ARPP21: variants seen among roughly 807,000 people sequenced by gnomAD.
The protein encoded by ARPP21 is cAMP-regulated phosphoprotein 21.
A neutral mutation model predicts 113.2 loss-of-function variants in ARPP21; 69 were observed. That is an observed-to-expected ratio of 0.61 (90% CI 0.50 to 0.74). The LOEUF (loss-of-function observed/expected upper bound fraction) is 0.74. Among genes scored for constraint, ARPP21 ranks in the 30% least tolerant of loss-of-function variants. The pLI is 0.00. For missense variants in ARPP21, 1,070 were observed against 1,037.4 expected (o/e 1.03, Z -0.43); for synonymous variants, 368 against 375.5 (o/e 0.98, Z 0.23).
intron 19 of ARPP21, among the ~76,000 whole-genome samples, chr3:35,753,095 A>C (rs1327524920): frequency 6.6e-6 from 1 of 150,912 alleles, no homozygotes; most frequent in African/African-American, 2.4e-5. Flanking sequence ...AGAGAGAAAG[A>C]GAGAATATTC....
chr3:35,651,040 A>G (rs1702169162), intron 1 of ARPP21, among the ~76,000 whole-genome samples: 1 of 152,162 alleles, frequency 6.6e-6, no homozygotes, highest in Non-Finnish European at 1.5e-5. Flanking sequence ...TCAGAAAAAA[A>G]TGATAAAATA....
chr3:35,738,232 G>A lies in ARPP21; in HGVS notation c.1663G>A (p.Ala555Thr), dbSNP rs752221619. The change falls in exon 17 of 21, where the codon GCT becomes ACT. Residue 555 changes from alanine (A) to threonine (T), a missense_variant. Transcript: ENST00000684406. Reference sequence around the variant, plus strand: ...CCTCCAGTCTGTCCAGGGGCTGCAGGCTTCCTCCCAGTCAGTGCAATATCC... The same window carrying A: ...CCTCCAGTCTGTCCAGGGGCTGCAGACTTCCTCCCAGTCAGTGCAATATCC... ...LVTQSVQGLQ[A>T]SSQSVQYPAV... is the part of the protein sequence containing the mutation. 7 of 1,535,834 alleles carry A rather than the reference G, an allele frequency of 4.6e-6. No individual in the cohort carries two copies. The African/African-American group carries it at 5.5e-5, about 12-fold the overall frequency.
At chr3:35,759,559 A>G (rs998663527) in intron 19 of ARPP21, among the ~76,000 whole-genome samples, 31 of 152,018 alleles carry the variant, frequency 2.0e-4, no homozygotes, top group Non-Finnish European at 3.5e-4. Flanking sequence ...CAATATATTT[A>G]CTGTATCTTA....
At chr3:35,722,258 G>A (rs1454943730) in intron 14 of ARPP21, among the ~76,000 whole-genome samples, 1 of 152,060 alleles carries the variant, frequency 6.6e-6, no homozygotes, top group Non-Finnish European at 1.5e-5. Context: ...TTTAAATTTA[G>A]TAATATGAAT....
At chr3:35,702,553 G>A (rs1351369881) in intron 9 of ARPP21, among the ~76,000 whole-genome samples, 3 of 151,754 alleles carry the variant, frequency 2.0e-5, no homozygotes, top group African/African-American at 4.8e-5. Flanking sequence ...TTCATGAAAA[G>A]TCTTATGTTA....
intron 9 of ARPP21, 23 bp downstream of exon 9, chr3:35,691,028 T>C (rs1382338670): frequency 6.3e-7 from 1 of 1,588,546 alleles, no homozygotes; most frequent in Admixed American, 1.8e-5. Context: ...ACTGTACTTA[T>C]TTAGCATTTT....
intron 9 of ARPP21, among the ~76,000 whole-genome samples, chr3:35,696,452 G>T (rs2084056551): frequency 6.6e-6 from 1 of 151,388 alleles, no homozygotes; most frequent in African/African-American, 2.4e-5. Context: ...ACACTTTTTG[G>T]TCTACAAATT....
At chr3:35,655,320 C>A (rs984009426) in intron 1 of ARPP21, among the ~76,000 whole-genome samples, 1 of 151,802 alleles carries the variant, frequency 6.6e-6, no homozygotes, top group Non-Finnish European at 1.5e-5. Flanking sequence ...ATTATTATGA[C>A]TGATGGGGTG....
chr3:35,657,495 T>C (rs1705568254), intron 1 of ARPP21, among the ~76,000 whole-genome samples: 2 of 152,304 alleles, frequency 1.3e-5, no homozygotes, highest in African/African-American at 2.4e-5. Context: ...AATACACTTA[T>C]AATGGCAACT....
At chr3:35,704,776 T>C (rs959879489) in intron 9 of ARPP21, among the ~76,000 whole-genome samples, 1 of 152,086 alleles carries the variant, frequency 6.6e-6, no homozygotes, top group Non-Finnish European at 1.5e-5. Context: ...GGTTAATTTA[T>C]TTATTCAGCC....
intron 1 of ARPP21, among the ~76,000 whole-genome samples, chr3:35,660,409 A>T (rs942079768): frequency 1.3e-5 from 2 of 152,170 alleles, no homozygotes; most frequent in Non-Finnish European, 2.9e-5. Context: ...GAGCAGGCCA[A>T]ACTCTTACTC....
At chr3:35,779,992 A>T (rs571351254) in intron 19 of ARPP21, among the ~76,000 whole-genome samples, 1 of 152,294 alleles carries the variant, frequency 6.6e-6, no homozygotes, top group South Asian at 2.1e-4. Flanking sequence ...GGCAAAGGGG[A>T]TAAGAGAAAG....
At chr3:35,786,915 G>T (rs928767931) in intron 19 of ARPP21, among the ~76,000 whole-genome samples, 14 of 152,270 alleles carry the variant, frequency 9.2e-5, no homozygotes, top group Middle Eastern at 3.4e-3. Context: ...CCAAACCATA[G>T]TGATACTAAA....
At chr3:35,715,866 C>T (rs758566571) in intron 12 of ARPP21, 39 of 157,352 alleles carry the variant, frequency 2.5e-4, no homozygotes, top group Non-Finnish European at 4.3e-4. Flanking sequence ...TATTATTGGC[C>T]ACTTCCTGTG....
At position 35,794,041 on chromosome 3, in the gene ARPP21, A is replaced by G; in HGVS notation, c.*83A>G. ...AACAAGGTGGGAAAACTGGCTGAGG[A>G]CTTAAGTATTCACTCAACACTCAAA... On this transcript the variant is annotated 3_prime_UTR_variant, in exon 21 of 21. Coordinates refer to ENST00000684406, the MANE Select transcript of ARPP21 (RefSeq NM_001385562.1). 7.9e-7 allele frequency: 1 copy of G among 1,269,630 alleles called. No individual in the cohort carries two copies. 78.6% of individuals were successfully genotyped at this position (1,269,630 alleles called of 1,614,324 possible).
At chr3:35,644,892 T>C (rs1699603423) in intron 1 of ARPP21, among the ~76,000 whole-genome samples, 1 of 151,916 alleles carries the variant, frequency 6.6e-6, no homozygotes, top group Non-Finnish European at 1.5e-5. Context: ...TTGGCAGTTG[T>C]ATAACCCCCA....
At chr3:35,678,046 A>G (rs1210145403) in intron 1 of ARPP21, among the ~76,000 whole-genome samples, 1 of 151,984 alleles carries the variant, frequency 6.6e-6, no homozygotes. Context: ...TGCTATTTCA[A>G]AACGTGTCCT....
intron 1 of ARPP21, among the ~76,000 whole-genome samples, chr3:35,668,535 A>C (rs1011038796): frequency 2.6e-5 from 4 of 152,184 alleles, no homozygotes; most frequent in African/African-American, 9.6e-5. Flanking sequence ...TAGTGCTCCC[A>C]AAACTGAAAA....
At chr3:35,706,152 G>A (rs751880912) in intron 9 of ARPP21, among the ~76,000 whole-genome samples, 1 of 152,110 alleles carries the variant, frequency 6.6e-6, no homozygotes, top group Non-Finnish European at 1.5e-5. Context: ...GTCTAAACCA[G>A]AAACAAACGT....
Sources: allele counts gnomAD v4.1 joint callset (sites outside exome capture counted in the v4.1 genomes callset), GRCh38; gene constraint gnomAD v4.1.1; transcripts MANE v1.5; gene names NCBI Gene and HGNC (gene_info 2026-07-23, HGNC 2026-07-21).